ROBO1: variants seen among roughly 807,000 people sequenced by gnomAD.
The protein encoded by ROBO1 is roundabout homolog 1.
A neutral mutation model predicts 195.9 loss-of-function variants in ROBO1; 149 were observed. That is an observed-to-expected ratio of 0.76 (90% CI 0.67 to 0.87). The LOEUF is 0.87. Among genes scored for constraint, ROBO1 ranks in the 40% least tolerant of loss-of-function variants. The pLI is 0.00. For missense variants in ROBO1, 1,933 were observed against 2,068.3 expected, an observed-to-expected ratio of 0.93 and a Z score of 1.27; for synonymous variants, 816 against 733.2, an observed-to-expected ratio of 1.11 and a Z score of -1.82.
intron 3 of ROBO1, among the ~76,000 whole-genome samples, chr3:78,944,503 T>C (rs1355285789): frequency 2.6e-5 from 4 of 152,122 alleles, no homozygotes; most frequent in African/African-American, 7.2e-5. Context: ...AAGAGTTCTT[T>C]GGGGATAGAA....
intron 2 of ROBO1, among the ~76,000 whole-genome samples, chr3:79,487,781 G>T (rs562621042): frequency 1.3e-5 from 2 of 152,102 alleles, no homozygotes; most frequent in Non-Finnish European, 2.9e-5. Flanking sequence ...AACTTATGAG[G>T]TCAAAAATTA....
intron 3 of ROBO1, among the ~76,000 whole-genome samples, chr3:79,011,456 C>A (rs767629068): frequency 2.6e-5 from 4 of 151,990 alleles, no homozygotes; most frequent in Non-Finnish European, 5.9e-5. Context: ...CACTGTGTTG[C>A]CAAATGATAT....
chr3:79,739,819 TAC>T (rs1457070070), intron 1 of ROBO1, among the ~76,000 whole-genome samples: 1 of 152,146 alleles, frequency 6.6e-6, no homozygotes, highest in Admixed American at 6.6e-5. Context: ...TTTCCTAGGA[TAC>T]ACTGTTAAAG....
chr3:78,648,170 C>CAACA (rs924818645), intron 19 of ROBO1, among the ~76,000 whole-genome samples: 57 of 151,442 alleles, frequency 3.8e-4, no homozygotes, highest in African/African-American at 1.3e-3. Flanking sequence ...GAAGAAGAAA[C>CAACA]AACAAACAAA....
intron 1 of ROBO1, among the ~76,000 whole-genome samples, chr3:79,710,856 T>C (rs1444669129): frequency 6.6e-6 from 1 of 152,142 alleles, no homozygotes; most frequent in Non-Finnish European, 1.5e-5. Flanking sequence ...GTAAAGTTAG[T>C]TTGAATATCA....
intron 2 of ROBO1, among the ~76,000 whole-genome samples, chr3:79,360,850 C>T (rs991008350): frequency 2.6e-5 from 4 of 152,070 alleles, no homozygotes; most frequent in Non-Finnish European, 5.9e-5. Context: ...ATCAAACTCT[C>T]TGAGGACCAG....
At chr3:79,257,043 T>G (rs1053960531) in intron 2 of ROBO1, among the ~76,000 whole-genome samples, 7 of 152,190 alleles carry the variant, frequency 4.6e-5, no homozygotes, top group African/African-American at 1.7e-4. Flanking sequence ...AAGTTACATC[T>G]TCACAGATTA....
intron 2 of ROBO1, among the ~76,000 whole-genome samples, chr3:79,349,359 A>C (rs2035253801): frequency 6.6e-6 from 1 of 152,196 alleles, no homozygotes; most frequent in Non-Finnish European, 1.5e-5. Context: ...TGAAGACCTA[A>C]TATTGTTAAG....
Position 79,032,299 on chromosome 3 carries a change from A to G in ROBO1, c.172+93157T>C, listed in dbSNP as rs149308127. 5.8e-3 allele frequency among the ~76,000 whole-genome samples: 889 copies of G among 152,206 alleles called. 5 individuals carry two copies. Among genetic ancestry groups the G allele is most frequent in the Non-Finnish European group, 9.3e-3 (633 of 67,908 alleles). On this transcript the variant is annotated intron_variant, in intron 3 of 30. Transcript: ENST00000464233. ...AAAATATTACATTGTTCTTTAAATTAGATTTTTATCAAGATTTTTCTTCCA... is the reference window on the plus strand; with the variant it reads ...AAAATATTACATTGTTCTTTAAATTGGATTTTTATCAAGATTTTTCTTCCA...
chr3:79,049,671 G>C (rs571041163), intron 3 of ROBO1, among the ~76,000 whole-genome samples: 1 of 152,078 alleles, frequency 6.6e-6, no homozygotes, highest in South Asian at 2.1e-4. Context: ...ACCCACAAAG[G>C]GAATCCCATA....
intron 19 of ROBO1, among the ~76,000 whole-genome samples, chr3:78,647,926 G>A (rs1487576759): frequency 1.3e-5 from 2 of 152,066 alleles, no homozygotes; most frequent in African/African-American, 4.8e-5. Context: ...CCTGCATTTA[G>A]TAACACAGAT....
chr3:79,730,167 C>T (rs546175964), intron 1 of ROBO1, among the ~76,000 whole-genome samples: 1 of 152,128 alleles, frequency 6.6e-6, no homozygotes, highest in Non-Finnish European at 1.5e-5. Flanking sequence ...CTACATTATC[C>T]TATACACTGT....
intron 2 of ROBO1, among the ~76,000 whole-genome samples, chr3:79,557,207 T>C (rs370979675): frequency 1.3e-5 from 2 of 152,034 alleles, no homozygotes; most frequent in South Asian, 4.1e-4. Flanking sequence ...TCGATACCCA[T>C]TATTTTATCT....
At chr3:78,814,170 T>G (rs2108641988) in intron 4 of ROBO1, among the ~76,000 whole-genome samples, 1 of 152,178 alleles carries the variant, frequency 6.6e-6, no homozygotes, top group Non-Finnish European at 1.5e-5. Flanking sequence ...AATAACAATG[T>G]TCTTTCTTTG....
In ROBO1 at chr3:79,609,823, C is replaced by T. The variant is rs548836463; in HGVS notation, c.-50-19862G>A. Among the ~76,000 whole-genome samples the T allele has an allele frequency of 6.6e-5, 10 of 151,414 alleles. No homozygotes were observed. In the South Asian group the frequency reaches 1.7e-3, roughly 25 times the overall value. ...AAATTTGTAGAGATGGAAAGTAGACCGGAGGTTTGCAGGAGTTGAGGGAAG... is the reference window on the plus strand; with the variant it reads ...AAATTTGTAGAGATGGAAAGTAGACTGGAGGTTTGCAGGAGTTGAGGGAAG... On this transcript the variant is annotated intron_variant, in intron 1 of 30. Transcript: ENST00000464233.
chr3:79,049,053 G>A (rs888436700), intron 3 of ROBO1, among the ~76,000 whole-genome samples: 6 of 152,088 alleles, frequency 3.9e-5, no homozygotes, highest in Non-Finnish European at 7.4e-5. Flanking sequence ...TCAGTTTGAC[G>A]AGTTGACAGA....
At chr3:79,353,450 C>G (rs553190781) in intron 2 of ROBO1, among the ~76,000 whole-genome samples, 2 of 151,758 alleles carry the variant, frequency 1.3e-5, no homozygotes, top group Admixed American at 6.6e-5. Context: ...CACACATGTA[C>G]GCAAAAATAA....
intron 1 of ROBO1, among the ~76,000 whole-genome samples, chr3:79,599,216 A>T: frequency 6.6e-6 from 1 of 152,078 alleles, no homozygotes; most frequent in East Asian, 1.9e-4. Flanking sequence ...ATCTTCAAAT[A>T]AAGTACTAGA....
intron 2 of ROBO1, among the ~76,000 whole-genome samples, chr3:79,204,239 C>G (rs948100248): frequency 1.3e-5 from 2 of 152,108 alleles, no homozygotes; most frequent in African/African-American, 4.8e-5. Context: ...TTTTCTCTTA[C>G]AGTTATTTTG....
Sources: allele counts gnomAD v4.1 joint callset (sites outside exome capture counted in the v4.1 genomes callset), GRCh38; gene constraint gnomAD v4.1.1; transcripts MANE v1.5; gene names NCBI Gene and HGNC (gene_info 2026-07-23, HGNC 2026-07-21).